The following FREM2 variants were observed in gnomAD, a reference collection of about 807,000 sequenced individuals.
FREM2 encodes the protein FRAS1-related extracellular matrix protein 2.
FREM2 carries 119 observed loss-of-function variants against 219.9 expected under a neutral mutation model. The observed-to-expected ratio is 0.54, with a 90% CI of 0.47 to 0.63. FREM2 has a LOEUF of 0.63. Ranked by LOEUF, FREM2 falls within the 30% of genes least tolerant of loss-of-function variation. The probability of loss-of-function intolerance (pLI) is 0.00; values close to 1 mark genes in which losing one functional copy is unlikely to be tolerated. For synonymous variants in FREM2, 1,562 were observed against 1,522.8 expected (o/e 1.03, Z -0.60); for missense variants, 4,030 against 3,993.6 (o/e 1.01, Z -0.25).
chr13:38,871,654 C>T (rs1210655244), intron 16 of FREM2, among the ~76,000 whole-genome samples: 1 of 152,118 alleles, frequency 6.6e-6, no homozygotes, highest in Non-Finnish European at 1.5e-5. Flanking sequence ...TACCTTTTTC[C>T]TTTGAGTCTT....
chr13:38,858,255 C>A (rs1408807466), intron 13 of FREM2, among the ~76,000 whole-genome samples: 1 of 152,128 alleles, frequency 6.6e-6, no homozygotes, highest in Non-Finnish European at 1.5e-5. Flanking sequence ...AGTGTGTTAT[C>A]TCAGTCTGTC....
Position 38,876,011 on chromosome 13 carries a change from C to T in FREM2, c.8282-11C>T, listed in dbSNP as rs765439401. On this transcript the variant is annotated splice_polypyrimidine_tract_variant and intron_variant, in intron 18 of 23. Coordinates refer to ENST00000280481, the MANE Select transcript of FREM2 (RefSeq NM_207361.6). ...ACTATATCATTATTATAATTACTGG[C>T]ACTTTCCTAGCATCCTTTACAAGCT... 6.2e-7 allele frequency: 1 copy of T among 1,610,782 alleles called. No homozygotes were observed.
At position 38,846,462 on chromosome 13, in the gene FREM2, G is replaced by A. The variant is rs9603452; in HGVS notation, c.6020-111G>A. 0.04 allele frequency: 42,968 copies of A among 1,077,100 alleles called. 2,149 individuals are homozygous for A. Among genetic ancestry groups the A allele is most frequent in the African/African-American group, 0.22 (14,078 of 63,348 alleles). 66.7% of individuals were successfully genotyped at this position (1,077,100 alleles called of 1,614,324 possible). On this transcript the variant is annotated intron_variant, in intron 6 of 23. Transcript: ENST00000280481. ...CTCACTAAAAGGAAAAAAGTATGAT[G>A]ATATAAGGAAGTCCCTAAGAGGAAG...
chr13:38,830,760 G>A (rs1000258144), intron 6 of FREM2, among the ~76,000 whole-genome samples: 1 of 152,024 alleles, frequency 6.6e-6, no homozygotes, highest in Non-Finnish European at 1.5e-5. Flanking sequence ...AAGCATTGAA[G>A]GTCCAGCTCA....
rs1878694082 is a variant in FREM2 at position 38,885,401 on chromosome 13, G to A, written c.*4614G>A. ...CAAGCACATTTAATTTCTTTCCCCT[G>A]GTATTTGTTTGCTTTGTGTTTTTTC... is the stretch of plus-strand genomic sequence containing the variant. On this transcript the variant is annotated 3_prime_UTR_variant, in exon 24 of 24. Coordinates refer to ENST00000280481, the MANE Select transcript of FREM2 (RefSeq NM_207361.6). The A allele has an allele frequency of 6.6e-6, 1 of 152,052 alleles. No individual in the cohort carries two copies. The highest frequency in any genetic ancestry group is 1.5e-5 in the Non-Finnish European group (1 of 67,984). 9.4% of individuals were successfully genotyped at this position (152,052 alleles called of 1,614,324 possible).
Position 38,687,482 on chromosome 13 carries a change from A to C in FREM2, c.138A>C (p.Ala46=), listed in dbSNP as rs1479499336. The C allele has an allele frequency of 1.3e-6, 2 of 1,592,436 alleles. No individual in the cohort carries two copies. The highest frequency in any genetic ancestry group is 2.3e-5 in the East Asian group (1 of 44,072). The change falls in exon 1 of 24, where the codon GCA becomes GCC. Residue 46 remains alanine, a synonymous_variant. Transcript: ENST00000280481. ...LLLSLVSRVP[A]QPAAFGRALL... is the part of the protein sequence containing the mutation. ...TGTCACTGGTAAGCCGCGTCCCGGC[A>C]CAGCCCGCTGCCTTCGGCAGGGCGT...
At chr13:38,818,124 C>T (rs1035945110) in intron 6 of FREM2, among the ~76,000 whole-genome samples, 12 of 152,212 alleles carry the variant, frequency 7.9e-5, no homozygotes, top group East Asian at 1.9e-4. Flanking sequence ...TACAGTATGG[C>T]GGTTCCTCAA....
intron 2 of FREM2, among the ~76,000 whole-genome samples, chr13:38,710,023 ACACACACAC>A (rs1870706628): frequency 6.7e-6 from 1 of 149,640 alleles, no homozygotes; most frequent in African/African-American, 2.5e-5. Flanking sequence ...ACACACACAC[ACACACACAC>A]ACACAAATTA....
At chr13:38,712,159 G>C (rs574982466) in intron 2 of FREM2, among the ~76,000 whole-genome samples, 1 of 151,976 alleles carries the variant, frequency 6.6e-6, no homozygotes, top group African/African-American at 2.4e-5. Context: ...CCCCCAAAGT[G>C]CTGGGATTAC....
At position 38,859,292 on chromosome 13, in the gene FREM2, C is replaced by T. The variant is rs752168974; in HGVS notation, c.7221C>T (p.Cys2407=). The change falls in exon 14 of 24, where the codon TGC becomes TGT. Residue 2407 remains cysteine, a synonymous_variant. Coordinates refer to ENST00000280481, the MANE Select transcript of FREM2 (RefSeq NM_207361.6). ...SGYPVICITA[C]NPKYSDYDKT... The stretch of plus-strand genomic sequence containing the variant: ...CAGTCATTTGTTTTCCGTAGGCTTG[C>T]AACCCCAAATATTCAGACTACGATA... 1.2e-6 allele frequency: 2 copies of T among 1,614,090 alleles called. No individual in the cohort carries two copies. The highest frequency in any genetic ancestry group is 1.7e-6 in the Non-Finnish European group (2 of 1,179,946).
Position 38,857,824 on chromosome 13 carries a change from A to G in FREM2, c.7057-51A>G, listed in dbSNP as rs375463534. ...GAGTATTGTTCTGTGTGGTAGAAGCATCAAAAGTTTAATATTTCACTAATC... is the reference window on the plus strand; with the variant it reads ...GAGTATTGTTCTGTGTGGTAGAAGCGTCAAAAGTTTAATATTTCACTAATC... On this transcript the variant is annotated intron_variant, in intron 12 of 23. Coordinates refer to ENST00000280481, the MANE Select transcript of FREM2 (RefSeq NM_207361.6). 1.3e-5 allele frequency: 19 copies of G among 1,497,222 alleles called. No homozygotes were observed. The East Asian group carries it at 3.6e-4, about 28-fold the overall frequency. The allele number at this position is 1,497,222 out of a possible 1,614,324, so 92.7% of individuals were successfully genotyped here.
At chr13:38,790,315 G>A (rs1357748832) in intron 6 of FREM2, among the ~76,000 whole-genome samples, 1 of 151,982 alleles carries the variant, frequency 6.6e-6, no homozygotes, top group East Asian at 1.9e-4. Context: ...GCAGTCAAAT[G>A]CAACCCACTC....
Position 38,850,992 on chromosome 13 carries a change from A to ATGAGGAGGT in FREM2, c.6627_6635dup (p.Val2212_Glu2214dup). 6.2e-7 allele frequency: 1 copy of ATGAGGAGGT among 1,613,640 alleles called. No individual in the cohort carries two copies. Among genetic ancestry groups the ATGAGGAGGT allele is most frequent in the Non-Finnish European group, 8.5e-7 (1 of 1,179,968 alleles). ...CTTGAGCTGATGGACGATGTGCTCT[A>ATGAGGAGGT]TGAGGAGGTAGAGGAGCTCCGCCTG... On this transcript the variant is annotated inframe_insertion, in exon 10 of 24. Transcript: ENST00000280481.
rs532448511 is a variant in FREM2 at position 38,878,921 on chromosome 13, T to A, written c.8950T>A (p.Leu2984Ile). The A allele has an allele frequency of 6.2e-7, 1 of 1,614,160 alleles. No homozygotes were observed. Among genetic ancestry groups the A allele is most frequent in the African/African-American group, 1.3e-5 (1 of 75,066 alleles). ...AGTGGATGACCCTGAAGCCATTCTC[T>A]TAGTGAATCAGCCTGGATCTGATGG... is the stretch of plus-strand genomic sequence containing the variant. ...LAVDDPEAIL[L>I]VNQPGSDGFK... The change falls in exon 23 of 24, where the codon TTA (leucine) becomes ATA (isoleucine). Residue 2984 changes from leucine to isoleucine, a missense_variant. Physicochemically the swap from Leu to Ile is conservative, Grantham distance 5 (BLOSUM62 2). Transcript: ENST00000280481.
At chr13:38,764,563 T>C (rs1269360105) in intron 3 of FREM2, 113 bp downstream of exon 3, 4 of 674,444 alleles carry the variant, frequency 5.9e-6, no homozygotes, top group Non-Finnish European at 1.0e-5. Context: ...AGTTAAAATT[T>C]AAAAGTTCTC....
rs141267987 is a variant in FREM2 at position 38,808,795 on chromosome 13, G to A, written c.6019+23987G>A. Among the ~76,000 whole-genome samples, 70 of 151,988 alleles carry A rather than the reference G, an allele frequency of 4.6e-4. 6 individuals are homozygous for A. The East Asian group carries it at 0.01, about 22-fold the overall frequency. The stretch of plus-strand genomic sequence containing the variant: ...GAAATATTCTGAAAATTTTCAAAAC[G>A]TGCTGCAGAGAAACAAAGTGAGAGC... On this transcript the variant is annotated intron_variant, in intron 6 of 23. Transcript: ENST00000280481.
chr13:38,711,298 A>G (rs952618335), intron 2 of FREM2, among the ~76,000 whole-genome samples: 3 of 152,204 alleles, frequency 2.0e-5, no homozygotes, highest in Non-Finnish European at 4.4e-5. Flanking sequence ...TTAAATGACA[A>G]TTCATGTCTG....
At chr13:38,792,305 C>A (rs1173929289) in intron 6 of FREM2, among the ~76,000 whole-genome samples, 1 of 152,164 alleles carries the variant, frequency 6.6e-6, no homozygotes, top group Non-Finnish European at 1.5e-5. Context: ...GCTGAGATCA[C>A]ACCACTGCAC....
intron 6 of FREM2, among the ~76,000 whole-genome samples, chr13:38,824,411 G>A (rs922372422): frequency 7.2e-5 from 11 of 151,924 alleles, no homozygotes; most frequent in Admixed American, 2.0e-4. Context: ...ATTCTGGCTC[G>A]GTACACAAAT....
Sources: allele counts gnomAD v4.1 joint callset (sites outside exome capture counted in the v4.1 genomes callset), GRCh38; gene constraint gnomAD v4.1.1; transcripts MANE v1.5; gene names NCBI Gene and HGNC (gene_info 2026-07-23, HGNC 2026-07-21).